The following UXS1 variants were observed in gnomAD, a reference collection of about 807,000 sequenced individuals.
The protein encoded by UXS1 is UDP-glucuronate decarboxylase 1.
In UXS1, 33 loss-of-function variants were observed where a neutral mutation model predicts 62.6. The observed-to-expected ratio is 0.53, with a 90% CI of 0.40 to 0.70. The LOEUF (loss-of-function observed/expected upper bound fraction) is 0.70. UXS1 is among the 30% of genes least tolerant of loss of function. The pLI is 0.00. For missense variants in UXS1, 434 were observed against 556.3 expected (o/e 0.78, Z 2.21); for synonymous variants, 213 against 206.8 (o/e 1.03, Z -0.26).
intron 12 of UXS1, among the ~76,000 whole-genome samples, chr2:106,099,495 A>G (rs757192652): frequency 2.6e-5 from 4 of 152,054 alleles, no homozygotes; most frequent in South Asian, 2.1e-4. Flanking sequence ...GGAGGGAGAG[A>G]CCCTGGGCCT....
chr2:106,192,651 T>G (rs192023210), intron 1 of UXS1, among the ~76,000 whole-genome samples: 1 of 152,124 alleles, frequency 6.6e-6, no homozygotes, highest in Non-Finnish European at 1.5e-5. Flanking sequence ...AAAATAAACA[T>G]TGAAACTGCT....
intron 9 of UXS1, among the ~76,000 whole-genome samples, chr2:106,119,677 T>C (rs983350540): frequency 1.3e-5 from 2 of 151,764 alleles, no homozygotes; most frequent in African/African-American, 4.8e-5. Context: ...CACTTTGGAG[T>C]TGTTGCCCCA....
At chr2:106,166,147 T>C in intron 1 of UXS1, 64 bp from the exon 2 acceptor site, 2 of 1,482,868 alleles carry the variant, frequency 1.3e-6, no homozygotes, top group Non-Finnish European at 9.2e-7. Flanking sequence ...TTCCAATGGA[T>C]GGAATCTTAA....
At chr2:106,154,554 A>G (rs1682281514) in intron 5 of UXS1, among the ~76,000 whole-genome samples, 1 of 152,184 alleles carries the variant, frequency 6.6e-6, no homozygotes, top group Admixed American at 6.5e-5. Context: ...GCAATACGAG[A>G]AGCTGGGAGA....
chr2:106,131,149 G>A (rs1440879664), intron 6 of UXS1, among the ~76,000 whole-genome samples: 3 of 148,694 alleles, frequency 2.0e-5, no homozygotes, highest in Admixed American at 6.7e-5. Flanking sequence ...GGTGACGGAC[G>A]CACCTGGAAA....
At chr2:106,181,844 T>C (rs1193116488) in intron 1 of UXS1, among the ~76,000 whole-genome samples, 2 of 152,214 alleles carry the variant, frequency 1.3e-5, no homozygotes, top group Admixed American at 1.3e-4. Flanking sequence ...AACGCTGGGA[T>C]CCAACGTAAC....
chr2:106,094,251 C>A, intron 14 of UXS1, 94 bp from the exon 15 acceptor site: 2 of 1,574,222 alleles, frequency 1.3e-6, no homozygotes, highest in Non-Finnish European at 1.7e-6. Flanking sequence ...GGAAGTGCCA[C>A]CTTGCAGCCA....
intron 10 of UXS1, among the ~76,000 whole-genome samples, chr2:106,107,217 CTCAG>C (rs1219008961): frequency 2.0e-5 from 3 of 152,204 alleles, no homozygotes; most frequent in Admixed American, 6.5e-5. Flanking sequence ...TCCCACCACA[CTCAG>C]TCAGGGCCAC....
Position 106,194,215 on chromosome 2 carries a change from G to A in UXS1, c.27C>T (p.Leu9=). The change falls in exon 1 of 15, where the codon CTC becomes CTT. Residue 9 remains leucine, a synonymous_variant. Coordinates refer to ENST00000283148, the MANE Select transcript of UXS1 (RefSeq NM_001253875.2). ...TCCTCCTGCGGTTGACGGCAGACACGAGGCGCAGCAGCGCCTTGCTCACCA... is the reference window on the plus strand; with the variant it reads ...TCCTCCTGCGGTTGACGGCAGACACAAGGCGCAGCAGCGCCTTGCTCACCA... The part of the protein sequence containing the change: MVSKALLR[L]VSAVNRRRMK... 6.8e-7 allele frequency: 1 copy of A among 1,468,198 alleles called. No homozygotes were observed. Among genetic ancestry groups the A allele is most frequent in the African/African-American group, 1.5e-5 (1 of 67,902 alleles). The allele number at this position is 1,468,198 out of a possible 1,614,324, so 90.9% of individuals were successfully genotyped here.
intron 1 of UXS1, among the ~76,000 whole-genome samples, chr2:106,187,805 G>A (rs1042383380): frequency 1.3e-5 from 2 of 149,918 alleles, no homozygotes; most frequent in Admixed American, 6.7e-5. Context: ...GCAATGGCAC[G>A]ATCTTGGCCC....
chr2:106,193,890 G>C (rs1685097710), intron 1 of UXS1, among the ~76,000 whole-genome samples: 1 of 151,940 alleles, frequency 6.6e-6, no homozygotes, highest in Non-Finnish European at 1.5e-5. Context: ...CAGAGACCTG[G>C]GGCCGCCCGA....
At chr2:106,122,852 C>T in intron 9 of UXS1, 118 bp downstream of exon 9, 1 of 1,400,274 alleles carries the variant, frequency 7.1e-7, no homozygotes, top group Non-Finnish European at 9.6e-7. Context: ...AACTGAGCTT[C>T]CCAAACACCT....
In UXS1 at chr2:106,145,173, G is replaced by A; in HGVS notation, c.472+17C>T. 6.2e-7 allele frequency: 1 copy of A among 1,609,902 alleles called. No homozygotes were observed. Among genetic ancestry groups the A allele is most frequent in the Admixed American group, 1.7e-5 (1 of 59,686 alleles). On this transcript the variant is annotated intron_variant, in intron 6 of 14. Coordinates refer to ENST00000283148, the MANE Select transcript of UXS1 (RefSeq NM_001253875.2). ...CTGCGGAGCTCTGAATAATAACAAT[G>A]TGCAGTTTTCACTCACCCTCGATGT...
At chr2:106,165,357 A>G (rs562109976) in intron 2 of UXS1, among the ~76,000 whole-genome samples, 2 of 152,286 alleles carry the variant, frequency 1.3e-5, no homozygotes, top group East Asian at 3.9e-4. Context: ...ACCCTGGTAG[A>G]CATGTGCAGC....
chr2:106,151,244 T>C (rs1681989325), intron 5 of UXS1, among the ~76,000 whole-genome samples: 1 of 152,124 alleles, frequency 6.6e-6, no homozygotes, highest in Non-Finnish European at 1.5e-5. Context: ...TGGGATGAAA[T>C]AAATACATTT....
At chr2:106,191,668 T>C (rs1251893971) in intron 1 of UXS1, among the ~76,000 whole-genome samples, 1 of 152,222 alleles carries the variant, frequency 6.6e-6, no homozygotes, top group Non-Finnish European at 1.5e-5. Context: ...CCATCCTTCT[T>C]TGCATTCCTA....
At chr2:106,152,059 G>A (rs141144961) in intron 5 of UXS1, among the ~76,000 whole-genome samples, 315 of 152,360 alleles carry the variant, frequency 2.1e-3, no homozygotes, top group Middle Eastern at 0.01. Flanking sequence ...GAATTGCAGT[G>A]TAAAGTGCTC....
Position 106,188,062 on chromosome 2 carries a change from C to T in UXS1, c.94+6086G>A, listed in dbSNP as rs1258202027. Among the ~76,000 whole-genome samples, 4 of 152,292 alleles carry T rather than the reference C, an allele frequency of 2.6e-5. No individual in the cohort carries two copies. In the East Asian group the frequency reaches 7.7e-4, roughly 29 times the overall value. ...CAGCCTTAACTCTAACTTTCAAAGG[C>T]TAAAGGTGAAAAGATAATGGCTCCT... On this transcript the variant is annotated intron_variant, in intron 1 of 14. Transcript: ENST00000283148.
chr2:106,184,955 T>C (rs1043205101), intron 1 of UXS1, among the ~76,000 whole-genome samples: 1 of 152,242 alleles, frequency 6.6e-6, no homozygotes, highest in African/African-American at 2.4e-5. Context: ...CCTGCCCTAA[T>C]GTCTGAACAC....
Sources: gnomAD v4.1 joint callset for allele counts (sites outside exome capture counted in the v4.1 genomes callset) on GRCh38, gnomAD v4.1.1 for gene constraint, MANE v1.5 for transcripts, NCBI Gene and HGNC (gene_info 2026-07-23, HGNC 2026-07-21) for gene names.